Variants in PALD1 observed in about 807,000 individuals in gnomAD.
PALD1 encodes phosphatase domain containing paladin 1.
In PALD1, 57 loss-of-function variants were observed where a neutral mutation model predicts 96.0. The observed-to-expected ratio is 0.59, with a 90% CI of 0.48 to 0.74. PALD1 has a LOEUF of 0.74. Ranked by LOEUF, PALD1 falls within the 30% of genes least tolerant of loss-of-function variation. The pLI, the probability that PALD1 is intolerant of heterozygous loss-of-function variation, is 0.00. For missense variants in PALD1, 1,063 were observed against 1,143.7 expected, an observed-to-expected ratio of 0.93 and a Z score of 1.02; for synonymous variants, 464 against 473.6, an observed-to-expected ratio of 0.98 and a Z score of 0.26.
intron 1 of PALD1, among the ~76,000 whole-genome samples, chr10:70,519,201 C>T (rs1311170609): frequency 6.6e-6 from 1 of 152,138 alleles, no homozygotes; most frequent in Non-Finnish European, 1.5e-5. Flanking sequence ...CCTCAGCCTC[C>T]CAAAGTAGTG....
intron 18 of PALD1, among the ~76,000 whole-genome samples, chr10:70,548,496 G>A (rs1589214473): frequency 6.6e-6 from 1 of 152,300 alleles, no homozygotes; most frequent in South Asian, 2.1e-4. Context: ...TCTGTGTGGA[G>A]TATTCACTTC....
At chr10:70,562,622 C>G (rs766064374) in intron 18 of PALD1, among the ~76,000 whole-genome samples, 35 of 152,156 alleles carry the variant, frequency 2.3e-4, no homozygotes, top group Admixed American at 1.2e-3. Context: ...TCCTGGTGCC[C>G]GAGGGATGAC....
intron 1 of PALD1, chr10:70,486,075 T>G: frequency 4.4e-6 from 1 of 225,468 alleles, no homozygotes; most frequent in Non-Finnish European, 1.0e-5. Flanking sequence ...GCCGATTGTT[T>G]AGGATTTGAG....
intron 1 of PALD1, among the ~76,000 whole-genome samples, chr10:70,484,978 T>C (rs1012777500): frequency 2.6e-5 from 4 of 152,170 alleles, no homozygotes; most frequent in African/African-American, 9.7e-5. Flanking sequence ...TTGTAAACAA[T>C]AGGTGAGCTT....
the PALD1 span, among the ~76,000 whole-genome samples, chr10:70,468,506 A>C: frequency 1.3e-5 from 2 of 152,034 alleles, no homozygotes; most frequent in Admixed American, 6.6e-5. Flanking sequence ...GGCCTCCCAA[A>C]GTGCTGGGAT....
intron 18 of PALD1, among the ~76,000 whole-genome samples, chr10:70,549,728 C>T (rs1456606467): frequency 6.6e-6 from 1 of 152,256 alleles, no homozygotes; most frequent in Non-Finnish European, 1.5e-5. Context: ...GTTGGCACTC[C>T]TCCCTGGACA....
At chr10:70,564,599 T>TG in intron 19 of PALD1, 80 bp downstream of exon 19, 6 of 1,403,974 alleles carry the variant, frequency 4.3e-6, no homozygotes, top group Non-Finnish European at 5.9e-6. Context: ...TCAGTGCCTG[T>TG]ACATGGCCTG....
chr10:70,565,666 C>T (rs1180853060), intron 19 of PALD1, among the ~76,000 whole-genome samples: 2 of 152,144 alleles, frequency 1.3e-5, no homozygotes, highest in Non-Finnish European at 2.9e-5. Context: ...ATTTGAAATG[C>T]CCCCGGTGCA....
intron 10 of PALD1, 61 bp downstream of exon 10, chr10:70,534,904 A>T (rs1220149778): frequency 1.8e-6 from 2 of 1,114,516 alleles, no homozygotes; most frequent in Admixed American, 1.9e-5. Context: ...GCCTGATTTC[A>T]TTAGGCATGT....
At chr10:70,525,245 C>G (rs1482277807) in intron 1 of PALD1, among the ~76,000 whole-genome samples, 2 of 151,686 alleles carry the variant, frequency 1.3e-5, no homozygotes, top group African/African-American at 4.8e-5. Flanking sequence ...CTCCTGGTCT[C>G]AAGCGATCTG....
chr10:70,476,753 C>G (rs1845827673), upstream of PALD1, among the ~76,000 whole-genome samples: 1 of 152,084 alleles, frequency 6.6e-6, no homozygotes, highest in Non-Finnish European at 1.5e-5. Context: ...TGGAGACGTG[C>G]CAGGCACTGT....
intron 19 of PALD1, among the ~76,000 whole-genome samples, chr10:70,564,991 A>G: frequency 6.6e-6 from 1 of 151,908 alleles, no homozygotes; most frequent in Non-Finnish European, 1.5e-5. Context: ...CAGTGAGCCA[A>G]CTCCTCCACA....
intron 18 of PALD1, among the ~76,000 whole-genome samples, chr10:70,563,436 C>T (rs1221940244): frequency 1.3e-5 from 2 of 152,220 alleles, no homozygotes; most frequent in Non-Finnish European, 2.9e-5. Context: ...CTTTGCTGTC[C>T]CTCTCCGCCC....
chr10:70,460,305 C>G, the PALD1 span, among the ~76,000 whole-genome samples: 37 of 152,274 alleles, frequency 2.4e-4, 1 homozygote, highest in African/African-American at 8.7e-4. Flanking sequence ...TAAAAGCCAC[C>G]AATGCCCATG....
intron 18 of PALD1, among the ~76,000 whole-genome samples, chr10:70,554,429 A>AAAACAAAC (rs200060726): frequency 3.3e-4 from 46 of 140,842 alleles, no homozygotes; most frequent in Admixed American, 9.0e-4. Flanking sequence ...ACTCCATCTC[A>AAAACAAAC]AAACAAACAA....
rs573821176 is a variant in PALD1, at chr10:70,549,797, G to A, written c.2262+2351G>A. Among the ~76,000 whole-genome samples, 3 of 152,354 alleles carry A rather than the reference G, an allele frequency of 2.0e-5. No individual in the cohort carries two copies. The East Asian group carries it at 5.8e-4, about 29-fold the overall frequency. ...GTGACTGCTTGACTCTGTTGGCATTGGAGAAGGAAGGTGGCTGGGGCTGTT... is the reference window on the plus strand; with the variant it reads ...GTGACTGCTTGACTCTGTTGGCATTAGAGAAGGAAGGTGGCTGGGGCTGTT... On this transcript the variant is annotated intron_variant, in intron 18 of 19. Transcript: ENST00000263563.
chr10:70,524,504 A>G (rs763189363), intron 1 of PALD1, among the ~76,000 whole-genome samples: 1 of 152,242 alleles, frequency 6.6e-6, no homozygotes, highest in Non-Finnish European at 1.5e-5. Context: ...TAACCATATT[A>G]CCCAGTGTTT....
intron 10 of PALD1, among the ~76,000 whole-genome samples, chr10:70,537,311 C>G (rs1847134455): frequency 6.6e-6 from 1 of 152,138 alleles, no homozygotes; most frequent in South Asian, 2.1e-4. Context: ...TGCCATGTTG[C>G]CCAGCTTGTT....
intron 1 of PALD1, among the ~76,000 whole-genome samples, chr10:70,502,877 TTCTCTTC>T (rs768636572): frequency 2.7e-4 from 41 of 152,090 alleles, no homozygotes; most frequent in Non-Finnish European, 2.8e-4. Flanking sequence ...CTCTTCTCTT[TTCTCTTC>T]TCTCTTTTCT....
Sources: allele counts gnomAD v4.1 joint callset (sites outside exome capture counted in the v4.1 genomes callset), GRCh38; gene constraint gnomAD v4.1.1; transcripts MANE v1.5; gene names NCBI Gene and HGNC (gene_info 2026-07-23, HGNC 2026-07-21).